HELZ: variants seen among roughly 807,000 people sequenced by gnomAD.
HELZ encodes the protein helicase with zinc finger, also known as ATP-dependent RNA helicase with zinc finger domain.
HELZ carries 23 observed loss-of-function variants against 218.2 expected under a neutral mutation model. The ratio of observed to expected loss-of-function variants is 0.11; its 90% CI spans 0.08 to 0.15. The LOEUF (loss-of-function observed/expected upper bound fraction) is 0.15, where lower values mean the gene tolerates loss of function less well. Among genes scored for constraint, HELZ ranks in the 10% least tolerant of loss-of-function variants. The pLI, the probability that HELZ is intolerant of heterozygous loss-of-function variation, is 1.00. For synonymous variants in HELZ, 814 were observed against 829.4 expected (o/e 0.98, Z 0.32); for missense variants, 1,813 against 2,353.7 (o/e 0.77, Z 4.75).
intron 13 of HELZ, among the ~76,000 whole-genome samples, chr17:67,168,146 T>G (rs1362729489): frequency 1.3e-5 from 2 of 151,964 alleles, no homozygotes; most frequent in African/African-American, 4.8e-5. Flanking sequence ...GCCCGGCTAA[T>G]TTTTGTATTT....
chr17:67,141,273 T>C (rs1236294501), intron 21 of HELZ, among the ~76,000 whole-genome samples: 1 of 152,138 alleles, frequency 6.6e-6, no homozygotes, highest in Non-Finnish European at 1.5e-5. Context: ...GGCTATAATA[T>C]ATAACAACGT....
intron 29 of HELZ, 97 bp downstream of exon 29, chr17:67,109,019 G>GA: frequency 9.6e-7 from 1 of 1,038,828 alleles, no homozygotes; most frequent in Non-Finnish European, 1.4e-6. Context: ...AGCATTATTT[G>GA]AAGAAACAAT....
chr17:67,087,648 T>C (rs1315387590), intron 31 of HELZ, among the ~76,000 whole-genome samples: 1 of 152,208 alleles, frequency 6.6e-6, no homozygotes, highest in Non-Finnish European at 1.5e-5. Flanking sequence ...TGGACTCCAC[T>C]GCATTTCTTT....
intron 23 of HELZ, among the ~76,000 whole-genome samples, chr17:67,135,338 C>G (rs1189878979): frequency 6.6e-6 from 1 of 152,096 alleles, no homozygotes; most frequent in Non-Finnish European, 1.5e-5. Context: ...AAAAGTGAGG[C>G]ACTAAGGGAT....
chr17:67,139,766 C>T (rs1170672431), intron 21 of HELZ, among the ~76,000 whole-genome samples: 2 of 152,228 alleles, frequency 1.3e-5, no homozygotes, highest in African/African-American at 4.8e-5. Flanking sequence ...TCTTACAGAA[C>T]TGTTTTAACG....
intron 32 of HELZ, among the ~76,000 whole-genome samples, chr17:67,081,908 ATCAGAAGACCAAGAGCAGAGTG>A (rs753224139): frequency 0.4 from 38,555 of 96,630 alleles, 5,023 homozygotes; most frequent in East Asian, 0.52. Context: ...GAGCAGAGTG[ATCAGAAGACCAAGAGCAGAGTG>A]ATCAGAAGAC....
At chr17:67,140,471 G>T (rs1419807251) in intron 21 of HELZ, among the ~76,000 whole-genome samples, 2 of 152,176 alleles carry the variant, frequency 1.3e-5, no homozygotes, top group East Asian at 3.9e-4. Flanking sequence ...GGAGTCAATT[G>T]TAGATTTGAA....
chr17:67,170,500 C>A (rs1045664173), intron 13 of HELZ, among the ~76,000 whole-genome samples: 2 of 151,784 alleles, frequency 1.3e-5, no homozygotes, highest in African/African-American at 2.4e-5. Context: ...GGCAACAGAG[C>A]GAGATTCTGT....
chr17:67,127,447 G>T (rs1022782293), intron 24 of HELZ, among the ~76,000 whole-genome samples: 2 of 152,118 alleles, frequency 1.3e-5, no homozygotes, highest in Non-Finnish European at 2.9e-5. Flanking sequence ...ATTAAACTAA[G>T]AATATACAAC....
intron 9 of HELZ, among the ~76,000 whole-genome samples, chr17:67,190,696 G>C (rs1345965319): frequency 1.3e-5 from 2 of 151,958 alleles, no homozygotes; most frequent in African/African-American, 4.8e-5. Context: ...AGTGTAACTG[G>C]GTTTTGTTTT....
chr17:67,144,368 G>A (rs2038427641), intron 21 of HELZ, among the ~76,000 whole-genome samples: 1 of 151,646 alleles, frequency 6.6e-6, no homozygotes, highest in African/African-American at 2.4e-5. Context: ...CAACAACCAT[G>A]CTCTGGTGAA....
chr17:67,228,012 ATC>A (rs1222039556), intron 3 of HELZ, among the ~76,000 whole-genome samples: 3 of 152,214 alleles, frequency 2.0e-5, no homozygotes, highest in African/African-American at 4.8e-5. Context: ...TGATTTCTGC[ATC>A]TCTGTCTTAT....
intron 3 of HELZ, among the ~76,000 whole-genome samples, chr17:67,220,849 TC>T (rs574120008): frequency 0.067 from 7,691 of 114,212 alleles, 779 homozygotes; most frequent in African/African-American, 0.22. Context: ...TTAAGATAAC[TC>T]CCCCCCCCCC....
In HELZ at chr17:67,136,918, T is replaced by C. The variant is rs1010098444; in HGVS notation, c.2954-720A>G. Among the ~76,000 whole-genome samples, 4 of 152,132 alleles carry C rather than the reference T, an allele frequency of 2.6e-5. No individual in the cohort carries two copies. In the South Asian group the frequency reaches 8.3e-4, roughly 32 times the overall value. On this transcript the variant is annotated intron_variant, in intron 22 of 32. Coordinates refer to ENST00000358691, the MANE Select transcript of HELZ (RefSeq NM_014877.4). Reference sequence around the variant, plus strand: ...CTTAATGCCACAGAACTTATGTGCATAAAAATGGTTAAAATGGTCAATTTT... The same window carrying C: ...CTTAATGCCACAGAACTTATGTGCACAAAAATGGTTAAAATGGTCAATTTT...
intron 3 of HELZ, chr17:67,224,826 T>C: frequency 9.5e-7 from 1 of 1,056,946 alleles, no homozygotes; most frequent in Non-Finnish European, 1.4e-6. Context: ...ATTCTCTGTA[T>C]GCCCAGGGAA....
At chr17:67,123,706 T>G (rs1474517999) in intron 25 of HELZ, among the ~76,000 whole-genome samples, 2 of 152,224 alleles carry the variant, frequency 1.3e-5, no homozygotes, top group Non-Finnish European at 2.9e-5. Context: ...TCAAAACCTC[T>G]GGATATGTAC....
rs1491505928 is a variant in HELZ at position 67,086,629 on chromosome 17, TAA to T, written c.5494+198_5494+199del. 2.1e-3 allele frequency among the ~76,000 whole-genome samples: 104 copies of T among 50,670 alleles called. 1 individual carries two copies. The highest frequency in any genetic ancestry group is 6.9e-3 in the African/African-American group (96 of 13,902). The allele number at this position is 50,670 out of a possible 152,430, so 33.2% of individuals were successfully genotyped here. A position where few individuals can be genotyped will look rare whatever the true frequency, so the allele number is the denominator to read the frequency against. ...ATATATATATAAATAAATATAAATA[TAA>T]ATATATATATATATATATATATATA... On this transcript the variant is annotated intron_variant, in intron 32 of 32. Transcript: ENST00000358691.
At chr17:67,116,498 C>T (rs887213087) in intron 27 of HELZ, among the ~76,000 whole-genome samples, 8 of 152,058 alleles carry the variant, frequency 5.3e-5, no homozygotes, top group Non-Finnish European at 1.2e-4. Flanking sequence ...CACACACACA[C>T]ACACACACAC....
chr17:67,123,391 T>C (rs556114345), intron 25 of HELZ, among the ~76,000 whole-genome samples: 2 of 152,264 alleles, frequency 1.3e-5, no homozygotes, highest in East Asian at 1.9e-4. Flanking sequence ...TAAACTAGCA[T>C]AATTTTAAAT....
Sources: gnomAD v4.1 joint callset for allele counts (sites outside exome capture counted in the v4.1 genomes callset) on GRCh38, gnomAD v4.1.1 for gene constraint, MANE v1.5 for transcripts, NCBI Gene and HGNC (gene_info 2026-07-23, HGNC 2026-07-21) for gene names.